Variants in EEPD1 observed in about 807,000 individuals in gnomAD.
The protein encoded by EEPD1 is endonuclease/exonuclease/phosphatase family domain containing 1, also known as endonuclease/exonuclease/phosphatase family domain-containing protein 1.
EEPD1 carries 17 observed loss-of-function variants against 46.3 expected under a neutral mutation model. That is an observed-to-expected ratio of 0.37 (90% confidence interval 0.25 to 0.55). The LOEUF is 0.55. Among genes scored for constraint, EEPD1 ranks in the 20% least tolerant of loss-of-function variants. The probability of loss-of-function intolerance (pLI) is 0.83; values close to 1 mark genes in which losing one functional copy is unlikely to be tolerated. For missense variants in EEPD1, 673 were observed against 745.6 expected (o/e 0.90, Z 1.13); for synonymous variants, 313 against 315.6 (o/e 0.99, Z 0.09).
Position 36,156,560 on chromosome 7 carries a change from A to C in EEPD1, c.878+1358A>C, listed in dbSNP as rs963105189. 5.3e-5 allele frequency among the ~76,000 whole-genome samples: 8 copies of C among 152,344 alleles called. No homozygotes were observed. In the East Asian group the frequency reaches 1.5e-3, roughly 29 times the overall value. On this transcript the variant is annotated intron_variant, in intron 2 of 7. Transcript: ENST00000242108. ...AATGGGAAATGAGGAGGGGAGAGGCAGGAAAGACAAAGCTGCTTAATTCCT... is the reference window on the plus strand; with the variant it reads ...AATGGGAAATGAGGAGGGGAGAGGCCGGAAAGACAAAGCTGCTTAATTCCT...
At chr7:36,196,273 A>C (rs1785581037) in intron 2 of EEPD1, among the ~76,000 whole-genome samples, 1 of 151,124 alleles carries the variant, frequency 6.6e-6, no homozygotes, top group Non-Finnish European at 1.5e-5. Flanking sequence ...GATTTTATAA[A>C]CACTGTGCAC....
chr7:36,191,836 C>T (rs776564738), intron 2 of EEPD1, among the ~76,000 whole-genome samples: 5 of 152,192 alleles, frequency 3.3e-5, no homozygotes, highest in Non-Finnish European at 5.9e-5. Flanking sequence ...TTCTGTTAGT[C>T]TCAGGGAGCT....
chr7:36,219,806 A>AGTGTGTGTGTGTGTGTGTGTGT, intron 2 of EEPD1, among the ~76,000 whole-genome samples: 1 of 75,438 alleles, frequency 1.3e-5, no homozygotes, highest in African/African-American at 4.6e-5. Flanking sequence ...AGAGAGAGAG[A>AGTGTGTGTGTGTGTGTGTGTGT]GTGTGTGTGT....
intron 2 of EEPD1, 84 bp downstream of exon 2, chr7:36,155,286 T>G: frequency 7.0e-7 from 1 of 1,428,726 alleles, no homozygotes; most frequent in Non-Finnish European, 9.2e-7. Context: ...AATGGATTCT[T>G]TTGCGGGTAG....
intron 6 of EEPD1, among the ~76,000 whole-genome samples, chr7:36,292,165 G>A (rs546714729): frequency 3.5e-4 from 54 of 152,178 alleles, no homozygotes; most frequent in Non-Finnish European, 7.1e-4. Flanking sequence ...CGTGCCAGGC[G>A]CTTCTGGCGG....
In EEPD1 at chr7:36,208,031, G is replaced by A. The variant is rs564386219; in HGVS notation, c.879-30954G>A. ...GCCCTCCAGGAACGGTGCCTCCTCT[G>A]TACTCAGCAGTTTTTATTTTTATCT... is the stretch of plus-strand genomic sequence containing the variant. On this transcript the variant is annotated intron_variant, in intron 2 of 7. Transcript: ENST00000242108. Among the ~76,000 whole-genome samples, 11 of 152,116 alleles carry A rather than the reference G, an allele frequency of 7.2e-5. No individual in the cohort carries two copies. The South Asian group carries it at 1.7e-3, about 23-fold the overall frequency.
chr7:36,232,102 TAAC>T (rs1481424762), intron 2 of EEPD1, among the ~76,000 whole-genome samples: 15 of 151,974 alleles, frequency 9.9e-5, no homozygotes, highest in African/African-American at 3.6e-4. Flanking sequence ...TTGAAACACT[TAAC>T]TGTGTAGATC....
intron 2 of EEPD1, chr7:36,229,137 A>C (rs559707680): frequency 6.6e-6 from 1 of 152,462 alleles, no homozygotes; most frequent in Non-Finnish European, 1.5e-5. Context: ...TACATCAGGT[A>C]CAGGGCCTGT....
chr7:36,238,631 C>T (rs13236999), intron 2 of EEPD1, among the ~76,000 whole-genome samples: 36,538 of 152,050 alleles, frequency 0.24, 4,485 homozygotes, highest in East Asian at 0.37. Context: ...TTTGCTTATT[C>T]GTTCATCTGT....
chr7:36,181,213 C>A (rs1440244637), intron 2 of EEPD1, among the ~76,000 whole-genome samples: 1 of 152,098 alleles, frequency 6.6e-6, no homozygotes, highest in African/African-American at 2.4e-5. Context: ...GACTCTGTCC[C>A]ATGCCCTGCA....
intron 3 of EEPD1, among the ~76,000 whole-genome samples, chr7:36,271,487 T>G (rs533631811): frequency 6.6e-6 from 1 of 152,282 alleles, no homozygotes; most frequent in South Asian, 2.1e-4. Flanking sequence ...TTTGTTTAAG[T>G]TCCTTGTAGA....
In EEPD1 at chr7:36,154,979, C is replaced by G; in HGVS notation, c.655C>G (p.Pro219Ala). The G allele has an allele frequency of 6.2e-7, 1 of 1,613,624 alleles. No homozygotes were observed. Among genetic ancestry groups the G allele is most frequent in the Non-Finnish European group, 8.5e-7 (1 of 1,179,798 alleles). Residue 219 changes from proline to alanine, a missense_variant, in exon 2 of 8, where the codon CCG (proline) becomes GCG (alanine). Pro to Ala is a conservative substitution (Grantham distance 27, BLOSUM62 -1). Transcript: ENST00000242108. The surrounding 1 kb of genome is among the most constrained non-coding windows in gnomAD (Gnocchi z 4.2). ...GGLTFTAKPH[P>A]SPTSLSLQSE... ...ACTGACCTTCACCGCCAAGCCTCAC[C>G]CGAGCCCCACTTCCCTGAGCCTGCA...
At chr7:36,185,298 A>G (rs538099545) in intron 2 of EEPD1, among the ~76,000 whole-genome samples, 4 of 152,322 alleles carry the variant, frequency 2.6e-5, no homozygotes, top group Admixed American at 1.3e-4. Context: ...CTGGTTCCTG[A>G]GGCCCCTGCC....
intron 2 of EEPD1, among the ~76,000 whole-genome samples, chr7:36,180,329 G>A (rs1785252422): frequency 6.6e-6 from 1 of 152,132 alleles, no homozygotes. Context: ...GGCTTACTGG[G>A]GAGGCAGAGG....
chr7:36,262,738 A>T (rs1487293582), intron 3 of EEPD1, among the ~76,000 whole-genome samples: 2 of 152,128 alleles, frequency 1.3e-5, no homozygotes, highest in Non-Finnish European at 2.9e-5. Flanking sequence ...TATACCAGTT[A>T]AACTCTGCCA....
At chr7:36,290,450 GC>G (rs1325957194) in intron 6 of EEPD1, among the ~76,000 whole-genome samples, 3 of 152,128 alleles carry the variant, frequency 2.0e-5, no homozygotes, top group Non-Finnish European at 4.4e-5. Context: ...AATTCAGCCT[GC>G]CCAGGTCTAA....
intron 3 of EEPD1, among the ~76,000 whole-genome samples, chr7:36,278,498 T>TG (rs1216073198): frequency 3.5e-3 from 12 of 3,458 alleles, no homozygotes; most frequent in Non-Finnish European, 5.4e-3. Context: ...GATCCCTTGG[T>TG]GGGGGGGCGG....
At chr7:36,265,580 CT>C (rs1170641935) in intron 3 of EEPD1, among the ~76,000 whole-genome samples, 4 of 152,188 alleles carry the variant, frequency 2.6e-5, no homozygotes, top group African/African-American at 9.7e-5. Flanking sequence ...TCCTTTCCCC[CT>C]TTGTGTTGGC....
chr7:36,260,130 T>C (rs1451832185), intron 3 of EEPD1, among the ~76,000 whole-genome samples: 1 of 152,228 alleles, frequency 6.6e-6, no homozygotes, highest in African/African-American at 2.4e-5. Flanking sequence ...TATGCACATA[T>C]GTGTCTTTTA....
Sources: allele counts gnomAD v4.1 joint callset (sites outside exome capture counted in the v4.1 genomes callset), GRCh38; gene constraint gnomAD v4.1.1; non-coding constraint Gnocchi (gnomAD v3.1); transcripts MANE v1.5; gene names NCBI Gene and HGNC (gene_info 2026-07-23, HGNC 2026-07-21).